Variants in TAFA4 observed in about 807,000 individuals in gnomAD.
The protein encoded by TAFA4 is chemokine-like protein TAFA-4.
A neutral mutation model predicts 21.1 loss-of-function variants in TAFA4; 20 were observed. The observed-to-expected ratio is 0.95, with a 90% CI of 0.67 to 1.38. The LOEUF is 1.38. Ranked by LOEUF, TAFA4 falls within the 40% of genes most tolerant of loss-of-function variation. The pLI, the probability that TAFA4 is intolerant of heterozygous loss-of-function variation, is 0.00. For synonymous variants in TAFA4, 71 were observed against 67.4 expected, an observed-to-expected ratio of 1.05 and a Z score of -0.26; for missense variants, 211 against 180.9, an observed-to-expected ratio of 1.17 and a Z score of -0.95.
rs752985210 is a variant in TAFA4, at chr3:68,752,969, C to T, written c.180G>A (p.Arg60=). 1.9e-6 allele frequency: 3 copies of T among 1,613,780 alleles called. No homozygotes were observed. The highest frequency in any genetic ancestry group is 2.7e-5 in the African/African-American group (2 of 74,834). Residue 60 remains arginine (R), a synonymous_variant, in exon 4 of 6, where the codon AGG becomes AGA. Coordinates refer to ENST00000295569, the MANE Select transcript of TAFA4 (RefSeq NM_182522.5). ...QGTCEVVAVH[R]CCNKNRIEER... The stretch of plus-strand genomic sequence containing the variant: ...CTTCTATGCGGTTCTTATTGCAGCA[C>T]CTGTGCACGGCGACCACCTCACAGG...
intron 1 of TAFA4, among the ~76,000 whole-genome samples, chr3:68,904,709 A>G (rs2089881410): frequency 6.6e-6 from 1 of 152,168 alleles, no homozygotes; most frequent in African/African-American, 2.4e-5. Flanking sequence ...AGAAGCATAG[A>G]GATGCTCCCA....
intron 5 of TAFA4, among the ~76,000 whole-genome samples, chr3:68,736,895 C>G (rs1559753495): frequency 6.6e-6 from 1 of 152,134 alleles, no homozygotes; most frequent in Non-Finnish European, 1.5e-5. Flanking sequence ...GCCCAAGTAT[C>G]ATGATGGCTT....
intron 4 of TAFA4, among the ~76,000 whole-genome samples, chr3:68,742,509 C>T (rs983721728): frequency 2.0e-5 from 3 of 152,108 alleles, no homozygotes; most frequent in African/African-American, 7.2e-5. Context: ...GCCAGGCACC[C>T]GGCTAATTTC....
chr3:68,742,353 AT>A (rs1037812679), intron 4 of TAFA4, among the ~76,000 whole-genome samples: 1 of 92,802 alleles, frequency 1.1e-5, no homozygotes, highest in Admixed American at 1.0e-4. Context: ...AAGAAGTTAA[AT>A]TTTCTCTGCA....
In TAFA4 at chr3:68,856,159, A is replaced by G. The variant is rs576459126; in HGVS notation, c.130+24571T>C. On this transcript the variant is annotated intron_variant, in intron 3 of 5. Transcript: ENST00000295569. ...CTGATTTGGTTAAACTACTCAGTTGATTCCATGCAGATGAACACAACCCTA... is the reference window on the plus strand; with the variant it reads ...CTGATTTGGTTAAACTACTCAGTTGGTTCCATGCAGATGAACACAACCCTA... Among the ~76,000 whole-genome samples, 51 of 152,234 alleles carry G rather than the reference A, an allele frequency of 3.4e-4. 2 individuals are homozygous for G. In the South Asian group the frequency reaches 0.011, roughly 32 times the overall value.
At chr3:68,754,011 G>T (rs913764542) in intron 3 of TAFA4, among the ~76,000 whole-genome samples, 1 of 152,204 alleles carries the variant, frequency 6.6e-6, no homozygotes. Context: ...AATTGCTGTT[G>T]TAACAGACTT....
intron 4 of TAFA4, among the ~76,000 whole-genome samples, chr3:68,752,653 C>A (rs1360429667): frequency 6.6e-6 from 1 of 152,174 alleles, no homozygotes; most frequent in Non-Finnish European, 1.5e-5. Flanking sequence ...TATAATATAA[C>A]TCCCCATTGG....
chr3:68,838,877 G>C (rs1315391390), intron 3 of TAFA4, among the ~76,000 whole-genome samples: 2 of 152,066 alleles, frequency 1.3e-5, no homozygotes, highest in Non-Finnish European at 1.5e-5. Context: ...CAGGTAGATC[G>C]CTTGAGCCCA....
chr3:68,770,025 C>T (rs1208192038), intron 3 of TAFA4, among the ~76,000 whole-genome samples: 2 of 152,090 alleles, frequency 1.3e-5, no homozygotes. Flanking sequence ...TCATGAAACT[C>T]CAGGAAAAAT....
chr3:68,750,048 G>A (rs1002045779), intron 4 of TAFA4, among the ~76,000 whole-genome samples: 5 of 152,216 alleles, frequency 3.3e-5, no homozygotes, highest in Non-Finnish European at 5.9e-5. Flanking sequence ...GGACTGGTCC[G>A]TATCACTGAT....
intron 3 of TAFA4, among the ~76,000 whole-genome samples, chr3:68,761,220 A>C (rs1192400428): frequency 6.6e-6 from 1 of 152,242 alleles, no homozygotes; most frequent in Admixed American, 6.5e-5. Context: ...GAACTACTTG[A>C]AACACTGCAG....
intron 5 of TAFA4, among the ~76,000 whole-genome samples, chr3:68,736,636 G>C (rs958965886): frequency 4.6e-5 from 7 of 152,086 alleles, no homozygotes; most frequent in Admixed American, 2.0e-4. Context: ...ACGTCCTCTA[G>C]GGAGACAATT....
At chr3:68,774,452 T>A (rs1181338475) in intron 3 of TAFA4, among the ~76,000 whole-genome samples, 3 of 152,148 alleles carry the variant, frequency 2.0e-5, no homozygotes. Flanking sequence ...CTCTCCACAC[T>A]CTCTAGTCTC....
chr3:68,879,308 C>A (rs1268683315), intron 3 of TAFA4, among the ~76,000 whole-genome samples: 1 of 152,068 alleles, frequency 6.6e-6, no homozygotes, highest in Non-Finnish European at 1.5e-5. Flanking sequence ...TTCTGGTGAT[C>A]CTGAGTTCTC....
In TAFA4 at chr3:68,823,126, C is replaced by T. The variant is rs113955284; in HGVS notation, c.130+57604G>A. ...GATTTCTGGTGGTCTTTTCACAATG[C>T]CCCTGCCCAGGATTCAAACCTGAGG... On this transcript the variant is annotated intron_variant, in intron 3 of 5. Transcript: ENST00000295569. Among the ~76,000 whole-genome samples the T allele has an allele frequency of 3.0e-4, 45 of 152,220 alleles. 1 individual carries two copies. The highest frequency in any genetic ancestry group is 9.6e-4 in the African/African-American group (40 of 41,518).
At chr3:68,810,444 G>A (rs775129884) in intron 3 of TAFA4, among the ~76,000 whole-genome samples, 25 of 152,252 alleles carry the variant, frequency 1.6e-4, no homozygotes, top group Admixed American at 7.8e-4. Context: ...GGTGACAGAC[G>A]GCATCTGGAA....
intron 4 of TAFA4, among the ~76,000 whole-genome samples, chr3:68,743,702 T>A (rs1412594703): frequency 6.6e-6 from 1 of 152,176 alleles, no homozygotes; most frequent in Non-Finnish European, 1.5e-5. Flanking sequence ...CCTCTTTTGA[T>A]TGTCCCAACA....
chr3:68,736,397 T>A (rs1342459311), intron 5 of TAFA4, among the ~76,000 whole-genome samples: 1 of 152,150 alleles, frequency 6.6e-6, no homozygotes, highest in African/African-American at 2.4e-5. Flanking sequence ...CTGGAAAAGA[T>A]AACTAGTTAG....
intron 1 of TAFA4, among the ~76,000 whole-genome samples, chr3:68,907,031 CAAAAAAAAAAAAAA>C: frequency 1.9e-5 from 1 of 53,930 alleles, no homozygotes; most frequent in Non-Finnish European, 3.2e-5. Flanking sequence ...GAGCCCGTCT[CAAAAAAAAAAAAAA>C]AAAAAAAAAA....
Sources: gnomAD v4.1 joint callset for allele counts (sites outside exome capture counted in the v4.1 genomes callset) on GRCh38, gnomAD v4.1.1 for gene constraint, MANE v1.5 for transcripts, NCBI Gene and HGNC (gene_info 2026-07-23, HGNC 2026-07-21) for gene names.